Variants in RMST observed in about 807,000 individuals in gnomAD.
The protein encoded by RMST is rhabdomyosarcoma 2 associated transcript.
At chr12:97,506,227 T>G (rs1878645852) in intron 10 of RMST, among the ~76,000 whole-genome samples, 1 of 152,170 alleles carries the variant, frequency 6.6e-6, no homozygotes. Context: ...ATTTATAACA[T>G]AATTAAAACT....
At chr12:97,544,902 A>G (rs944988098) in intron 11 of RMST, among the ~76,000 whole-genome samples, 1 of 152,132 alleles carries the variant, frequency 6.6e-6, no homozygotes, top group African/African-American at 2.4e-5. Context: ...TAACAGAATA[A>G]GATGATTCAT....
At chr12:97,531,397 T>G (rs572913740) in intron 11 of RMST, among the ~76,000 whole-genome samples, 8 of 152,198 alleles carry the variant, frequency 5.3e-5, no homozygotes, top group Non-Finnish European at 1.2e-4. Context: ...GACGACTATC[T>G]CTTGAAATTA....
intron 11 of RMST, among the ~76,000 whole-genome samples, chr12:97,555,065 T>G (rs1421738350): frequency 6.6e-6 from 1 of 152,190 alleles, no homozygotes; most frequent in Non-Finnish European, 1.5e-5. Context: ...ATTAAACCTT[T>G]GCAGGGTTGG....
intron 10 of RMST, among the ~76,000 whole-genome samples, chr12:97,510,421 T>C (rs542729235): frequency 1.3e-5 from 2 of 152,338 alleles, no homozygotes; most frequent in South Asian, 4.1e-4. Context: ...GAGCAAGTAA[T>C]AAAATGAATT....
At chr12:97,500,654 C>T (rs894610069) in intron 10 of RMST, among the ~76,000 whole-genome samples, 4 of 152,130 alleles carry the variant, frequency 2.6e-5, no homozygotes, top group Non-Finnish European at 4.4e-5. Flanking sequence ...CCCTAGGATC[C>T]TGGGATGCCG....
chr12:97,471,981 A>G (rs1246470372), intron 5 of RMST, among the ~76,000 whole-genome samples: 1 of 152,084 alleles, frequency 6.6e-6, no homozygotes, highest in Non-Finnish European at 1.5e-5. Context: ...AGCATAAAGG[A>G]GATATTTTAT....
chr12:97,508,268 A>G (rs1197159302), intron 10 of RMST, among the ~76,000 whole-genome samples: 3 of 152,206 alleles, frequency 2.0e-5, no homozygotes, highest in Non-Finnish European at 4.4e-5. Context: ...TAGAAGGGAA[A>G]GATGTTTATA....
chr12:97,500,403 C>T (rs1381596935), intron 10 of RMST, among the ~76,000 whole-genome samples: 1 of 152,144 alleles, frequency 6.6e-6, no homozygotes, highest in Non-Finnish European at 1.5e-5. Flanking sequence ...GGATCCTCTA[C>T]ACAAATGAGG....
At chr12:97,471,833 C>T (rs1565916271) in intron 5 of RMST, among the ~76,000 whole-genome samples, 1 of 152,130 alleles carries the variant, frequency 6.6e-6, no homozygotes, top group Non-Finnish European at 1.5e-5. Flanking sequence ...ATGCAGTCGC[C>T]ATCAGTTGAG....
intron 13 of RMST, chr12:97,563,810 C>T (rs1338026592): frequency 2.0e-6 from 1 of 504,840 alleles, no homozygotes; most frequent in East Asian, 5.6e-5. Context: ...TGCATCCGAC[C>T]AAGATAAATT....
intron 11 of RMST, among the ~76,000 whole-genome samples, chr12:97,558,363 G>A (rs1250139940): frequency 6.6e-5 from 10 of 152,318 alleles, no homozygotes; most frequent in East Asian, 1.9e-4. Flanking sequence ...AGGTGGCAGA[G>A]TATGGTGATT....
At chr12:97,509,391 T>A (rs1383050286) in intron 10 of RMST, among the ~76,000 whole-genome samples, 1 of 141,496 alleles carries the variant, frequency 7.1e-6, no homozygotes, top group African/African-American at 3.1e-5. Context: ...GACTATATAC[T>A]GAATTGCAGG....
intron 4 of RMST, among the ~76,000 whole-genome samples, chr12:97,464,546 C>A (rs1011237412): frequency 1.3e-5 from 2 of 152,192 alleles, no homozygotes; most frequent in African/African-American, 4.8e-5. Flanking sequence ...TGATGTGATT[C>A]AAAGGCTGGA....
intron 11 of RMST, among the ~76,000 whole-genome samples, chr12:97,553,992 TCAC>T (rs1452877298): frequency 6.8e-6 from 1 of 147,822 alleles, no homozygotes; most frequent in Non-Finnish European, 1.5e-5. Context: ...TCTTGCTCTG[TCAC>T]CCAGGCTGGA....
At chr12:97,494,831 T>C (rs376055524) in exon 9 of RMST, 102 of 152,340 alleles carry the variant, frequency 6.7e-4, no homozygotes, top group African/African-American at 2.3e-3. Context: ...TTCTGCATTA[T>C]TAATAAAATC....
intron 11 of RMST, among the ~76,000 whole-genome samples, chr12:97,559,737 G>A (rs1378836721): frequency 6.6e-6 from 1 of 152,136 alleles, no homozygotes; most frequent in Non-Finnish European, 1.5e-5. Context: ...TTCCTCTTCT[G>A]TTTTAATTCT....
chr12:97,504,785 C>G (rs1185571143), intron 10 of RMST, among the ~76,000 whole-genome samples: 1 of 152,122 alleles, frequency 6.6e-6, no homozygotes, highest in Non-Finnish European at 1.5e-5. Context: ...CATATGGTTT[C>G]AGACTTCAAT....
intron 5 of RMST, among the ~76,000 whole-genome samples, chr12:97,466,552 T>G (rs531195297): frequency 1.3e-5 from 2 of 152,234 alleles, no homozygotes; most frequent in South Asian, 2.1e-4. Flanking sequence ...TTTCAAAGGA[T>G]CTAAGTGAAT....
At chr12:97,489,982 A>G (rs1248088054) in intron 5 of RMST, among the ~76,000 whole-genome samples, 1 of 152,218 alleles carries the variant, frequency 6.6e-6, no homozygotes. Flanking sequence ...TGATCCCATG[A>G]GGTTACATTT....
Sources: allele counts gnomAD v4.1 joint callset (sites outside exome capture counted in the v4.1 genomes callset), GRCh38; gene constraint gnomAD v4.1.1; transcripts MANE v1.5; gene names NCBI Gene and HGNC (gene_info 2026-07-23, HGNC 2026-07-21).